Variants in GNG2 observed in about 807,000 individuals in gnomAD.
The protein encoded by GNG2 is guanine nucleotide-binding protein G(I)/G(S)/G(O) subunit gamma-2.
GNG2 carries 5 observed loss-of-function variants against 5.5 expected under a neutral mutation model. The ratio of observed to expected loss-of-function variants is 0.91; its 90% confidence interval spans 0.48 to 1.92. The LOEUF is 1.92. Ranked by LOEUF, GNG2 falls within the 30% of genes most tolerant of loss-of-function variation. GNG2 has a pLI of 0.01. For missense variants in GNG2, 55 were observed against 88.4 expected (o/e 0.62, Z 1.52); for synonymous variants, 28 against 32.0 (o/e 0.88, Z 0.42).
intron 3 of GNG2, among the ~76,000 whole-genome samples, chr14:51,958,605 C>T (rs765537376): frequency 6.6e-6 from 1 of 152,138 alleles, no homozygotes; most frequent in Non-Finnish European, 1.5e-5. Flanking sequence ...CCTGGCTCCC[C>T]TTATCCTTGT....
upstream of GNG2, among the ~76,000 whole-genome samples, chr14:51,858,353 C>A (rs1218077173): frequency 6.6e-6 from 1 of 152,146 alleles, no homozygotes; most frequent in Non-Finnish European, 1.5e-5. Flanking sequence ...TTTGTTGGCA[C>A]CTCCCAACAC....
intron 2 of GNG2, among the ~76,000 whole-genome samples, chr14:51,908,514 G>T (rs1886077653): frequency 7.0e-6 from 1 of 142,142 alleles, no homozygotes; most frequent in Admixed American, 7.2e-5. Context: ...AAAATGATCT[G>T]TCATATTTTA....
intron 1 of GNG2, among the ~76,000 whole-genome samples, chr14:51,862,984 C>CTTTTTTTTTTTTTTT (rs10699121): frequency 7.0e-6 from 1 of 143,018 alleles, no homozygotes; most frequent in Non-Finnish European, 1.5e-5. Context: ...TTTAATTGTG[C>CTTTTTTTTTTTTTTT]TTTTTTTTTT....
chr14:51,917,253 G>T (rs761893450), intron 2 of GNG2: 185 of 428,822 alleles, frequency 4.3e-4, no homozygotes, highest in Non-Finnish European at 7.4e-4. Flanking sequence ...ATATCCACCA[G>T]TCAGCACACT....
intron 2 of GNG2, among the ~76,000 whole-genome samples, chr14:51,942,229 A>G (rs747863873): frequency 7.9e-5 from 12 of 152,228 alleles, no homozygotes; most frequent in Non-Finnish European, 1.6e-4. Context: ...AAGTTTGCAC[A>G]TGGAGTGCTT....
chr14:51,827,745 T>G, exon 2 of GNG2: 1 of 701,726 alleles, frequency 1.4e-6, no homozygotes. Flanking sequence ...TCTAGGGGCA[T>G]GCAGGGGAAA....
intron 2 of GNG2, among the ~76,000 whole-genome samples, chr14:51,880,721 G>A (rs1302005555): frequency 6.6e-6 from 1 of 152,014 alleles, no homozygotes; most frequent in African/African-American, 2.4e-5. Context: ...TAAGACTATC[G>A]GTGCTAAAAC....
At chr14:51,946,623 TCTC>T (rs1285916312) in intron 2 of GNG2, among the ~76,000 whole-genome samples, 1 of 152,094 alleles carries the variant, frequency 6.6e-6, no homozygotes, top group Non-Finnish European at 1.5e-5. Context: ...CATCTTCCTC[TCTC>T]CTCCTCACCA....
intron 2 of GNG2, among the ~76,000 whole-genome samples, chr14:51,881,126 G>GGTGACC (rs1238683814): frequency 3.3e-5 from 5 of 152,102 alleles, no homozygotes; most frequent in Admixed American, 6.6e-5. Context: ...TTGTTACTGA[G>GGTGACC]GTGACCACAG....
intron 2 of GNG2, among the ~76,000 whole-genome samples, chr14:51,935,304 C>T (rs977811420): frequency 1.1e-4 from 16 of 151,570 alleles, no homozygotes; most frequent in South Asian, 2.1e-4. Context: ...GGATTACAGG[C>T]GTGAGCCACC....
chr14:51,927,058 T>C (rs1244444855), intron 2 of GNG2, among the ~76,000 whole-genome samples: 1 of 152,246 alleles, frequency 6.6e-6, no homozygotes, highest in African/African-American at 2.4e-5. Flanking sequence ...ACTTCTTTAC[T>C]CTGATCCCAT....
At chr14:51,958,142 A>C (rs577538636) in intron 3 of GNG2, among the ~76,000 whole-genome samples, 41 of 152,350 alleles carry the variant, frequency 2.7e-4, no homozygotes, top group Non-Finnish European at 5.0e-4. Flanking sequence ...TTCCGTTGGC[A>C]CAGACTGAAA....
At chr14:51,872,126 A>G (rs1485989338) in intron 1 of GNG2, among the ~76,000 whole-genome samples, 1 of 152,244 alleles carries the variant, frequency 6.6e-6, no homozygotes. Context: ...CGCAGTGGAC[A>G]TGGAGAGAAA....
chr14:51,853,790 G>T (rs1182637644), intron 2 of GNG2, among the ~76,000 whole-genome samples: 3 of 152,002 alleles, frequency 2.0e-5, no homozygotes, highest in Non-Finnish European at 4.4e-5. Context: ...TTTTTCCAAG[G>T]CTTTGTGGGT....
chr14:51,829,845 C>CTTTT lies in GNG2; in HGVS notation c.64+2050_64+2053dup, dbSNP rs35713457. On this transcript the variant is annotated intron_variant, in intron 2 of 3. Transcript: ENST00000553432. ...CCTAGTTGATCACTCCCTACTTCTT[C>CTTTT]TTTTTTTTTTTTTTTGAGACAGAGT... Among the ~76,000 whole-genome samples the CTTTT allele has an allele frequency of 7.5e-4, 103 of 137,876 alleles. 2 individuals are homozygous for CTTTT. The highest frequency in any genetic ancestry group is 2.7e-3 in the African/African-American group (100 of 37,064). The allele number at this position is 137,876 out of a possible 152,430, so 90.5% of individuals were successfully genotyped here.
At chr14:51,872,731 T>C (rs1359870745) in intron 1 of GNG2, among the ~76,000 whole-genome samples, 1 of 152,212 alleles carries the variant, frequency 6.6e-6, no homozygotes, top group African/African-American at 2.4e-5. Flanking sequence ...GCTTAGTACA[T>C]AGAAGGTCTA....
intron 1 of GNG2, among the ~76,000 whole-genome samples, chr14:51,873,353 G>A (rs1388380964): frequency 6.6e-6 from 1 of 152,196 alleles, no homozygotes; most frequent in African/African-American, 2.4e-5. Flanking sequence ...ATGGTAATTA[G>A]GCCTGTTGAG....
intron 2 of GNG2, among the ~76,000 whole-genome samples, chr14:51,900,770 G>A (rs543905745): frequency 5.3e-5 from 8 of 152,154 alleles, no homozygotes; most frequent in Admixed American, 3.3e-4. Flanking sequence ...TGGCCTTAGT[G>A]AGATTTTGGA....
chr14:51,949,231 T>C (rs1888825994), intron 2 of GNG2, among the ~76,000 whole-genome samples: 1 of 152,178 alleles, frequency 6.6e-6, no homozygotes, highest in Non-Finnish European at 1.5e-5. Context: ...CATAATATTC[T>C]CCATGAAGGG....
Sources: allele counts gnomAD v4.1 joint callset (sites outside exome capture counted in the v4.1 genomes callset), GRCh38; gene constraint gnomAD v4.1.1; transcripts MANE v1.5; gene names NCBI Gene and HGNC (gene_info 2026-07-23, HGNC 2026-07-21).